Variants in TMEM150C observed in about 807,000 individuals in gnomAD.
TMEM150C encodes tentonin 3.
In TMEM150C, 10 loss-of-function variants were observed where a neutral mutation model predicts 29.9. The ratio of observed to expected loss-of-function variants is 0.33; its 90% CI spans 0.21 to 0.57. TMEM150C has a LOEUF of 0.57. Ranked by LOEUF, TMEM150C falls within the 20% of genes least tolerant of loss-of-function variation. The pLI is 0.88. For missense variants in TMEM150C, 251 were observed against 303.6 expected, an observed-to-expected ratio of 0.83 and a Z score of 1.29; for synonymous variants, 101 against 112.5, an observed-to-expected ratio of 0.90 and a Z score of 0.64.
intron 7 of TMEM150C, among the ~76,000 whole-genome samples, chr4:82,488,766 C>A (rs1723238913): frequency 6.6e-6 from 1 of 152,096 alleles, no homozygotes; most frequent in South Asian, 2.1e-4. Context: ...GTGCACACCA[C>A]CACACCCTGC....
chr4:82,516,716 T>G (rs1233759214), intron 1 of TMEM150C, among the ~76,000 whole-genome samples: 1 of 152,172 alleles, frequency 6.6e-6, no homozygotes, highest in Non-Finnish European at 1.5e-5. Flanking sequence ...GATGACTGCT[T>G]AGGAACTCAG....
At chr4:82,535,273 C>T (rs1205684756) in intron 1 of TMEM150C, among the ~76,000 whole-genome samples, 1 of 152,084 alleles carries the variant, frequency 6.6e-6, no homozygotes, top group African/African-American at 2.4e-5. Context: ...AAGAATATGG[C>T]AGAAGGTGTC....
At chr4:82,541,007 C>G (rs1725183426) in intron 1 of TMEM150C, among the ~76,000 whole-genome samples, 1 of 152,164 alleles carries the variant, frequency 6.6e-6, no homozygotes, top group Admixed American at 6.5e-5. Context: ...TATTTAATCA[C>G]AGTGCACTCC....
intron 1 of TMEM150C, among the ~76,000 whole-genome samples, chr4:82,556,559 G>A (rs1725743622): frequency 6.6e-6 from 1 of 152,186 alleles, no homozygotes; most frequent in Admixed American, 6.5e-5. Flanking sequence ...CACGCCTGTA[G>A]TTCCAGCTAC....
chr4:82,519,562 G>A (rs1382377874), intron 1 of TMEM150C, among the ~76,000 whole-genome samples: 1 of 152,008 alleles, frequency 6.6e-6, no homozygotes, highest in Non-Finnish European at 1.5e-5. Context: ...AAGTAGCTGG[G>A]ATCACAGGCA....
intron 1 of TMEM150C, among the ~76,000 whole-genome samples, chr4:82,542,822 C>T (rs1045825896): frequency 3.3e-5 from 5 of 151,818 alleles, no homozygotes; most frequent in East Asian, 1.9e-4. Context: ...CTAGCTGGAC[C>T]GAAGAAAATG....
intron 1 of TMEM150C, among the ~76,000 whole-genome samples, chr4:82,519,995 C>T (rs966553350): frequency 2.6e-5 from 4 of 152,148 alleles, no homozygotes; most frequent in African/African-American, 9.7e-5. Context: ...GTTTAGAAAA[C>T]AGTCTTATAA....
intron 1 of TMEM150C, among the ~76,000 whole-genome samples, chr4:82,552,749 C>T (rs1725622193): frequency 1.3e-5 from 2 of 152,162 alleles, no homozygotes; most frequent in South Asian, 4.1e-4. Flanking sequence ...TTTTGTGCAG[C>T]CATGGTTGAG....
intron 1 of TMEM150C, among the ~76,000 whole-genome samples, chr4:82,557,684 C>T (rs1478524349): frequency 6.6e-6 from 1 of 151,420 alleles, no homozygotes. Context: ...TGAACTTCAG[C>T]ACAAAATATC....
chr4:82,517,530 G>A (rs933025488), intron 1 of TMEM150C, among the ~76,000 whole-genome samples: 49 of 152,204 alleles, frequency 3.2e-4, no homozygotes, highest in African/African-American at 1.2e-3. Flanking sequence ...GGCAGAGGAG[G>A]AATGAATTCT....
intron 1 of TMEM150C, among the ~76,000 whole-genome samples, chr4:82,533,994 C>T (rs2110084248): frequency 6.6e-6 from 1 of 152,230 alleles, no homozygotes; most frequent in Middle Eastern, 3.4e-3. Context: ...CCTTTGAAAT[C>T]TTGGTTTTGG....
intron 6 of TMEM150C, among the ~76,000 whole-genome samples, chr4:82,491,965 C>T (rs1471396546): frequency 2.7e-5 from 4 of 147,464 alleles, no homozygotes; most frequent in East Asian, 2.0e-4. Context: ...TTTTTTGAGA[C>T]GGAGTGCTCT....
chr4:82,529,010 C>A (rs1724746855), intron 1 of TMEM150C, among the ~76,000 whole-genome samples: 1 of 151,958 alleles, frequency 6.6e-6, no homozygotes, highest in Admixed American at 6.6e-5. Flanking sequence ...GGAGTCTACA[C>A]AGAGTGGTAA....
intron 1 of TMEM150C, among the ~76,000 whole-genome samples, chr4:82,510,446 A>G (rs901466760): frequency 6.6e-6 from 1 of 151,910 alleles, no homozygotes; most frequent in African/African-American, 2.4e-5. Flanking sequence ...TAGTTCACAG[A>G]CTCTGGAGCC....
chr4:82,506,795 A>G (rs190557722), intron 1 of TMEM150C, among the ~76,000 whole-genome samples: 200 of 152,372 alleles, frequency 1.3e-3, no homozygotes, highest in Non-Finnish European at 1.8e-3. Context: ...CATTATGCCA[A>G]CAAAAATAAT....
At chr4:82,555,917 C>T (rs1470539567) in intron 1 of TMEM150C, among the ~76,000 whole-genome samples, 3 of 152,154 alleles carry the variant, frequency 2.0e-5, no homozygotes, top group African/African-American at 7.2e-5. Flanking sequence ...CAAGTGGATC[C>T]CAAGCCTAGT....
At chr4:82,502,980 G>A in intron 3 of TMEM150C, 53 bp from the exon 4 acceptor site, 1 of 1,595,584 alleles carries the variant, frequency 6.3e-7, no homozygotes. Context: ...ACTGTCATTT[G>A]TGCAGTTTAA....
intron 1 of TMEM150C, among the ~76,000 whole-genome samples, chr4:82,513,031 C>T (rs1724177716): frequency 6.6e-6 from 1 of 152,198 alleles, no homozygotes; most frequent in Non-Finnish European, 1.5e-5. Context: ...CTTAAATGTT[C>T]CTGCCTGCCG....
intron 1 of TMEM150C, among the ~76,000 whole-genome samples, chr4:82,554,876 A>T (rs1725692405): frequency 6.6e-6 from 1 of 152,198 alleles, no homozygotes; most frequent in Non-Finnish European, 1.5e-5. Context: ...CCACAGATAG[A>T]GTCTGGATCA....
Sources: gnomAD v4.1 joint callset for allele counts (sites outside exome capture counted in the v4.1 genomes callset) on GRCh38, gnomAD v4.1.1 for gene constraint, MANE v1.5 for transcripts, NCBI Gene and HGNC (gene_info 2026-07-23, HGNC 2026-07-21) for gene names.